POFUT3: variants seen among roughly 807,000 people sequenced by gnomAD.
The protein encoded by POFUT3 is GDP-fucose protein O-fucosyltransferase 3.
At chr8:33,413,541 T>C in the POFUT3 span, among the ~76,000 whole-genome samples, 1 of 152,158 alleles carries the variant, frequency 6.6e-6, no homozygotes, top group African/African-American at 2.4e-5. Context: ...AAGCCACCCA[T>C]CTGGAGTAAC....
chr8:33,388,975 C>A, the POFUT3 span: 2 of 1,614,030 alleles, frequency 1.2e-6, no homozygotes, highest in Non-Finnish European at 1.7e-6. Context: ...TTTCCTGAAG[C>A]CTGATATTAG....
At chr8:33,319,701 T>A in the POFUT3 span, among the ~76,000 whole-genome samples, 4 of 16,850 alleles carry the variant, frequency 2.4e-4, 1 homozygote, top group Non-Finnish European at 3.1e-4. Context: ...ATATATATAT[T>A]TTATATATAT....
At chr8:33,343,985 A>G in the POFUT3 span, among the ~76,000 whole-genome samples, 17 of 152,166 alleles carry the variant, frequency 1.1e-4, no homozygotes, top group Non-Finnish European at 1.6e-4. Context: ...CCCTTTGCCT[A>G]TGCAAATCAT....
At chr8:33,382,954 C>T in the POFUT3 span, among the ~76,000 whole-genome samples, 1 of 152,144 alleles carries the variant, frequency 6.6e-6, no homozygotes, top group African/African-American at 2.4e-5. Flanking sequence ...CTCTTCTCAG[C>T]ACCCATATCA....
chr8:33,461,682 G>T, the POFUT3 span: 11 of 1,467,668 alleles, frequency 7.5e-6, no homozygotes, highest in Non-Finnish European at 9.9e-6. Flanking sequence ...GCTATCATCA[G>T]AGCAGCTGGA....
At chr8:33,346,088 G>A in the POFUT3 span, among the ~76,000 whole-genome samples, 5 of 150,516 alleles carry the variant, frequency 3.3e-5, no homozygotes, top group African/African-American at 1.2e-4. Context: ...GCCTCCCAAA[G>A]TGCTGGGATT....
At chr8:33,425,370 T>C in the POFUT3 span, among the ~76,000 whole-genome samples, 1 of 151,968 alleles carries the variant, frequency 6.6e-6, no homozygotes, top group Middle Eastern at 3.4e-3. Flanking sequence ...TTTAAATAAA[T>C]GCTATGAGAG....
chr8:33,395,634 G>C, the POFUT3 span, among the ~76,000 whole-genome samples: 1 of 152,058 alleles, frequency 6.6e-6, no homozygotes, highest in Non-Finnish European at 1.5e-5. Context: ...GGACCTGAGC[G>C]TAGGTTCAAG....
chr8:33,341,362 G>A, the POFUT3 span, among the ~76,000 whole-genome samples: 4 of 150,300 alleles, frequency 2.7e-5, no homozygotes, highest in Non-Finnish European at 5.9e-5. Context: ...TTGAACCCAG[G>A]AAGCGGAGGT....
the POFUT3 span, among the ~76,000 whole-genome samples, chr8:33,460,336 C>T: frequency 6.6e-6 from 1 of 151,988 alleles, no homozygotes; most frequent in East Asian, 1.9e-4. Flanking sequence ...GCCTGGGTGA[C>T]AAAAATGAGA....
chr8:33,373,996 G>A, the POFUT3 span, among the ~76,000 whole-genome samples: 234 of 152,246 alleles, frequency 1.5e-3, no homozygotes, highest in African/African-American at 5.4e-3. Context: ...CTCAACTCCC[G>A]GGTCATGAAC....
the POFUT3 span, among the ~76,000 whole-genome samples, chr8:33,345,983 G>A: frequency 1.3e-5 from 2 of 151,714 alleles, no homozygotes; most frequent in African/African-American, 2.4e-5. Flanking sequence ...CTGCCACCAC[G>A]CCCAGCTAAT....
the POFUT3 span, chr8:33,453,168 G>A: frequency 3.8e-4 from 606 of 1,576,860 alleles, no homozygotes; most frequent in Non-Finnish European, 4.9e-4. Flanking sequence ...ACTCAGCTTT[G>A]GAGGAAGACC....
chr8:33,461,785 A>G, the POFUT3 span: 1 of 612,280 alleles, frequency 1.6e-6, no homozygotes, highest in Admixed American at 3.5e-5. Flanking sequence ...GTCTTGCAGC[A>G]GGGTGATCAT....
the POFUT3 span, among the ~76,000 whole-genome samples, chr8:33,459,370 G>C: frequency 6.6e-6 from 1 of 151,922 alleles, no homozygotes; most frequent in South Asian, 2.1e-4. Context: ...GCCAGGCGCA[G>C]TGGCTCACAC....
At chr8:33,422,990 T>C in the POFUT3 span, among the ~76,000 whole-genome samples, 1 of 152,124 alleles carries the variant, frequency 6.6e-6, no homozygotes, top group Non-Finnish European at 1.5e-5. Flanking sequence ...TAATTCTTTG[T>C]ATTTTTTGTA....
chr8:33,320,395 T>G, the POFUT3 span, among the ~76,000 whole-genome samples: 2 of 152,126 alleles, frequency 1.3e-5, no homozygotes, highest in Non-Finnish European at 1.5e-5. Context: ...TTTTCTTTTT[T>G]AATTCTGGGG....
the POFUT3 span, among the ~76,000 whole-genome samples, chr8:33,317,570 C>T: frequency 6.6e-6 from 1 of 152,110 alleles, no homozygotes; most frequent in Non-Finnish European, 1.5e-5. Flanking sequence ...TTGCCTGTAA[C>T]ATCTGCTTTC....
the POFUT3 span, among the ~76,000 whole-genome samples, chr8:33,310,826 A>G: frequency 2.6e-5 from 4 of 152,228 alleles, no homozygotes; most frequent in South Asian, 8.3e-4. Context: ...GCCTGGTATC[A>G]GCTAGGCGCT....
Sources: gnomAD v4.1 joint callset for allele counts (sites outside exome capture counted in the v4.1 genomes callset) on GRCh38, gnomAD v4.1.1 for gene constraint, MANE v1.5 for transcripts, NCBI Gene and HGNC (gene_info 2026-07-23, HGNC 2026-07-21) for gene names.